COG5: variants seen among roughly 807,000 people sequenced by gnomAD.
COG5 encodes the protein conserved oligomeric Golgi complex subunit 5.
In COG5, 86 loss-of-function variants were observed where a neutral mutation model predicts 110.4. The ratio of observed to expected loss-of-function variants is 0.78; its 90% CI spans 0.65 to 0.93. COG5 has a LOEUF of 0.93. Among genes scored for constraint, COG5 ranks in the 40% least tolerant of loss-of-function variants. The pLI is 0.00. For missense variants in COG5, 1,077 were observed against 987.0 expected (o/e 1.09, Z -1.22); for synonymous variants, 360 against 334.6 (o/e 1.08, Z -0.83).
At chr7:107,366,747 CAGCTA>C (rs997844264) in intron 8 of COG5, among the ~76,000 whole-genome samples, 2 of 152,042 alleles carry the variant, frequency 1.3e-5, no homozygotes, top group Non-Finnish European at 2.9e-5. Flanking sequence ...GAAGGGACTT[CAGCTA>C]AAGTAACTTT....
chr7:107,475,112 GT>G, intron 6 of COG5: 1 of 1,612,058 alleles, frequency 6.2e-7, no homozygotes. Context: ...TTAAGATTGT[GT>G]TTTTTAGTCA....
intron 5 of COG5, among the ~76,000 whole-genome samples, chr7:107,531,382 C>T (rs1398244227): frequency 1.3e-5 from 2 of 152,050 alleles, no homozygotes; most frequent in Non-Finnish European, 2.9e-5. Flanking sequence ...GAGTATCAGC[C>T]ACTGATATTC....
intron 7 of COG5, among the ~76,000 whole-genome samples, chr7:107,396,083 T>C (rs1163581699): frequency 1.3e-5 from 2 of 152,216 alleles, no homozygotes; most frequent in African/African-American, 4.8e-5. Flanking sequence ...GCTTATAATA[T>C]CTGTGTGCAT....
At chr7:107,378,670 T>C (rs1261478939) in intron 7 of COG5, among the ~76,000 whole-genome samples, 1 of 151,988 alleles carries the variant, frequency 6.6e-6, no homozygotes, top group Non-Finnish European at 1.5e-5. Context: ...GAAGAAAAGA[T>C]ATAAAAGATT....
At chr7:107,498,345 T>C (rs796875277) in intron 6 of COG5, among the ~76,000 whole-genome samples, 1 of 152,102 alleles carries the variant, frequency 6.6e-6, no homozygotes, top group African/African-American at 2.4e-5. Context: ...ATGCAACCTA[T>C]GAAATGCGAG....
chr7:107,476,312 A>AG (rs988328572), intron 6 of COG5, among the ~76,000 whole-genome samples: 1 of 151,138 alleles, frequency 6.6e-6, no homozygotes, highest in Non-Finnish European at 1.5e-5. Context: ...ATGAAAAAAA[A>AG]AAGACTTTAA....
chr7:107,295,091 ATATATATATAT>A (rs1806613045), intron 12 of COG5, among the ~76,000 whole-genome samples: 4 of 74,660 alleles, frequency 5.4e-5, no homozygotes, highest in African/African-American at 1.6e-4. Context: ...ATATATATAT[ATATATATATAT>A]TTTTTTTTTT....
rs578057072 is a variant in COG5, at chr7:107,460,626, GAAA to G, written c.539-47997_539-47995del. Among the ~76,000 whole-genome samples, 6 of 151,776 alleles carry G rather than the reference GAAA, an allele frequency of 4.0e-5. No individual in the cohort carries two copies. The South Asian group carries it at 1.2e-3, about 32-fold the overall frequency. Reference sequence around the variant, plus strand: ...CTAAAGAGTAGAAATCAATAAAACAGAAAAAGAACATAACAACATTGTTCATTA... The same window carrying G: ...CTAAAGAGTAGAAATCAATAAAACAGAAGAACATAACAACATTGTTCATTA... On this transcript the variant is annotated intron_variant, in intron 6 of 21. Coordinates refer to ENST00000297135, the MANE Select transcript of COG5 (RefSeq NM_006348.5).
intron 6 of COG5, among the ~76,000 whole-genome samples, chr7:107,457,890 T>G (rs1482256161): frequency 1.3e-5 from 2 of 151,950 alleles, no homozygotes; most frequent in Admixed American, 6.6e-5. Context: ...TCCATGAATA[T>G]CAGTGAACCC....
intron 14 of COG5, among the ~76,000 whole-genome samples, chr7:107,279,615 C>T (rs1021092820): frequency 1.3e-5 from 2 of 151,984 alleles, no homozygotes; most frequent in African/African-American, 4.8e-5. Flanking sequence ...CAAACATTAA[C>T]AGCAAGTTGT....
chr7:107,468,464 T>C (rs1385936357), intron 6 of COG5, among the ~76,000 whole-genome samples: 4 of 152,008 alleles, frequency 2.6e-5, no homozygotes. Flanking sequence ...TAAGTTTTCT[T>C]TATAAATGGC....
chr7:107,364,097 A>G lies in COG5; in HGVS notation c.836-1677T>C, dbSNP rs374397994. 5.2e-5 allele frequency among the ~76,000 whole-genome samples: 8 copies of G among 152,392 alleles called. No homozygotes were observed. The East Asian group carries it at 1.2e-3, about 22-fold the overall frequency. On this transcript the variant is annotated intron_variant, in intron 8 of 21. Coordinates refer to ENST00000297135, the MANE Select transcript of COG5 (RefSeq NM_006348.5). ...TATGCCAATTTAATGAAGTGATCTA[A>G]TTTAGCATCAGCAATAATGAAACAA...
At chr7:107,524,276 A>G (rs780889109) in intron 6 of COG5, among the ~76,000 whole-genome samples, 12 of 152,232 alleles carry the variant, frequency 7.9e-5, no homozygotes, top group Non-Finnish European at 1.5e-4. Flanking sequence ...ATCTGTATCC[A>G]CTAGTAGTCA....
Position 107,552,997 on chromosome 7 carries a change from A to C in COG5, c.292+1288T>G, listed in dbSNP as rs544468578. On this transcript the variant is annotated intron_variant, in intron 3 of 21. Coordinates refer to ENST00000297135, the MANE Select transcript of COG5 (RefSeq NM_006348.5). The stretch of plus-strand genomic sequence containing the variant: ...AACTGAAGGTGATTATCCTAAGCAA[A>C]TTAAGGCAGGAAGAGAAAAATCAAA... Among the ~76,000 whole-genome samples, 11 of 152,304 alleles carry C rather than the reference A, an allele frequency of 7.2e-5. No individual in the cohort carries two copies. In the Middle Eastern group the frequency reaches 0.01, roughly 141 times the overall value.
At chr7:107,275,717 T>G (rs1213228805) in intron 14 of COG5, among the ~76,000 whole-genome samples, 1 of 151,930 alleles carries the variant, frequency 6.6e-6, no homozygotes, top group East Asian at 1.9e-4. Flanking sequence ...AGAGATGAGG[T>G]TTCACCATTT....
At chr7:107,505,686 G>A (rs191279632) in intron 6 of COG5, among the ~76,000 whole-genome samples, 157 of 152,330 alleles carry the variant, frequency 1.0e-3, no homozygotes, top group African/African-American at 3.5e-3. Context: ...CATGGCAACT[G>A]TATTTCTCCT....
intron 7 of COG5, among the ~76,000 whole-genome samples, chr7:107,406,035 A>C (rs1194865485): frequency 6.6e-6 from 1 of 152,212 alleles, no homozygotes; most frequent in East Asian, 1.9e-4. Context: ...GTTTTGTTAC[A>C]GCAACCCAAA....
intron 6 of COG5, among the ~76,000 whole-genome samples, chr7:107,481,300 T>C (rs557392901): frequency 5.6e-4 from 86 of 152,274 alleles, no homozygotes; most frequent in Non-Finnish European, 1.0e-3. Context: ...GACAAGGTTA[T>C]GGGGAAACTG....
chr7:107,485,753 T>C (rs886935226), intron 6 of COG5, among the ~76,000 whole-genome samples: 20 of 152,188 alleles, frequency 1.3e-4, no homozygotes, highest in South Asian at 1.0e-3. Context: ...TCATAAAACA[T>C]TGGGGTTGTA....
Sources: gnomAD v4.1 joint callset for allele counts (sites outside exome capture counted in the v4.1 genomes callset) on GRCh38, gnomAD v4.1.1 for gene constraint, MANE v1.5 for transcripts, NCBI Gene and HGNC (gene_info 2026-07-23, HGNC 2026-07-21) for gene names.